MTM1: variants seen among roughly 807,000 people sequenced by gnomAD.
The protein encoded by MTM1 is myotubularin.
MTM1 carries 9 observed loss-of-function variants against 52.1 expected under a neutral mutation model. The ratio of observed to expected loss-of-function variants is 0.17; its 90% CI spans 0.10 to 0.30. The LOEUF is 0.30. MTM1 is among the 10% of genes least tolerant of loss of function. MTM1 has a pLI of 1.00. For missense variants in MTM1, 277 were observed against 470.7 expected, an observed-to-expected ratio of 0.59 and a Z score of 3.81; for synonymous variants, 136 against 163.8, an observed-to-expected ratio of 0.83 and a Z score of 1.29.
intron 10 of MTM1, among the ~76,000 whole-genome samples, chrX:150,651,485 G>GTTTTTTT (rs56302527): frequency 1.3e-5 from 1 of 74,840 alleles, no homozygotes; most frequent in Non-Finnish European, 2.5e-5. Context: ...CAATTAGGTT[G>GTTTTTTT]TTTTTTTTTT....
At chrX:150,652,888 T>C (rs1171418081) in intron 10 of MTM1, among the ~76,000 whole-genome samples, 2 of 109,397 alleles carry the variant, frequency 1.8e-5, no homozygotes, top group African/African-American at 6.7e-5. Context: ...CTGAGCTAGA[T>C]AGAAGGAAGA....
upstream of MTM1, among the ~76,000 whole-genome samples, chrX:150,565,903 C>T (rs1314318021): frequency 1.8e-5 from 2 of 109,582 alleles, no homozygotes; most frequent in Non-Finnish European, 3.8e-5. Flanking sequence ...GTCCTGGAGC[C>T]CTGGAGAGGG....
intron 14 of MTM1, among the ~76,000 whole-genome samples, chrX:150,667,755 G>A (rs1557415006): frequency 1.8e-5 from 2 of 112,024 alleles, no homozygotes. Context: ...AATCCTATGG[G>A]CCTTTGTAAC....
intron 14 of MTM1, among the ~76,000 whole-genome samples, chrX:150,669,966 G>T (rs996807785): frequency 3.8e-4 from 43 of 111,844 alleles, no homozygotes; most frequent in Admixed American, 3.2e-3. Flanking sequence ...GTCCTGAATG[G>T]TATTGCCTAG....
intron 5 of MTM1, 63 bp downstream of exon 5, chrX:150,614,762 CAATT>C: frequency 1.7e-6 from 1 of 578,365 alleles, no homozygotes; most frequent in Non-Finnish European, 2.9e-6. Context: ...TGATAGTAGA[CAATT>C]AATGTGGATT....
At chrX:150,604,121 T>G (rs1283176512) in intron 4 of MTM1, among the ~76,000 whole-genome samples, 6 of 111,883 alleles carry the variant, frequency 5.4e-5, no homozygotes. Flanking sequence ...CATGGAGATG[T>G]GAGTCCTTGG....
At position 150,614,654 on chromosome X, in the gene MTM1, G is replaced by A. The variant is rs781784303; in HGVS notation, c.297G>A (p.Ala99=). The change falls in exon 5 of 15, where the codon GCG becomes GCA. Residue 99 remains alanine (A), a synonymous_variant. Coordinates refer to ENST00000370396, the MANE Select transcript of MTM1 (RefSeq NM_000252.3). The part of the protein sequence containing the change: ...VISRIEKMGG[A]TSRGENSYGL... The stretch of plus-strand genomic sequence containing the variant: ...CGAGAATTGAAAAAATGGGAGGCGC[G>A]ACAAGTAGAGGAGAAAATTCCTATG... 15 of 1,193,609 alleles carry A rather than the reference G, an allele frequency of 1.3e-5. No homozygotes were observed. The highest frequency in any genetic ancestry group is 3.6e-5 in the South Asian group (2 of 56,071).
At chrX:150,646,328 A>G (rs782627867) in intron 9 of MTM1, among the ~76,000 whole-genome samples, 31 of 113,127 alleles carry the variant, frequency 2.7e-4, no homozygotes, top group Non-Finnish European at 5.1e-4. Context: ...AATTCAAGAA[A>G]TGAGTAGGTC....
chrX:150,642,843 C>T (rs952572709), intron 8 of MTM1, among the ~76,000 whole-genome samples: 17 of 111,963 alleles, frequency 1.5e-4, no homozygotes, highest in Non-Finnish European at 3.0e-4. Flanking sequence ...TTCTACCATG[C>T]TTGGTTGCCA....
intron 1 of MTM1, among the ~76,000 whole-genome samples, chrX:150,582,715 C>A (rs1244500546): frequency 9.0e-6 from 1 of 110,926 alleles, no homozygotes; most frequent in African/African-American, 3.3e-5. Context: ...TTGCAGCCAC[C>A]ACCAGAAGCT....
intron 1 of MTM1, among the ~76,000 whole-genome samples, chrX:150,592,339 G>A (rs1273875746): frequency 4.5e-5 from 5 of 110,942 alleles, no homozygotes; most frequent in African/African-American, 1.6e-4. Flanking sequence ...AATGTGTATG[G>A]CGTCTTCTGC....
intron 1 of MTM1, among the ~76,000 whole-genome samples, chrX:150,579,475 T>G (rs1716750354): frequency 8.9e-6 from 1 of 111,836 alleles, no homozygotes; most frequent in Admixed American, 9.5e-5. Flanking sequence ...TTTCATTTTT[T>G]TTGGTATTGC....
intron 9 of MTM1, 73 bp downstream of exon 9, chrX:150,645,944 C>T (rs1459193418): frequency 2.0e-6 from 2 of 996,152 alleles, no homozygotes; most frequent in Admixed American, 2.2e-5. Flanking sequence ...AATGTTTTTG[C>T]CATGATATAG....
intron 6 of MTM1, among the ~76,000 whole-genome samples, chrX:150,627,496 G>A: frequency 9.0e-6 from 1 of 111,500 alleles, no homozygotes; most frequent in East Asian, 2.8e-4. Flanking sequence ...AATTATAAAA[G>A]TTCTATTTGA....
In MTM1 at chrX:150,671,452, T is replaced by C. The variant is rs782115195; in HGVS notation, c.1669T>C (p.Tyr557His). 1 of 1,211,363 alleles carries C rather than the reference T, an allele frequency of 8.3e-7. No individual in the cohort carries two copies. Among genetic ancestry groups the C allele is most frequent in the Admixed American group, 2.2e-5 (1 of 45,970 alleles). The part of the protein sequence containing the change: ...QQQPNPVEQR[Y>H]MELLALRDEY... ...GCAGCCGAATCCAGTGGAGCAGCGT[T>C]ACATGGAGCTCTTAGCCTTACGCGA... Residue 557 changes from tyrosine to histidine, a missense_variant, in exon 15 of 15, where the codon TAC (tyrosine) becomes CAC (histidine). Coordinates refer to ENST00000370396, the MANE Select transcript of MTM1 (RefSeq NM_000252.3).
intron 1 of MTM1, among the ~76,000 whole-genome samples, chrX:150,577,537 G>C (rs1400796427): frequency 8.9e-6 from 1 of 112,388 alleles, no homozygotes; most frequent in Non-Finnish European, 1.9e-5. Context: ...GTAATAGTGA[G>C]CATGTCTTTA....
intron 5 of MTM1, among the ~76,000 whole-genome samples, chrX:150,615,641 G>A (rs1224707601): frequency 1.8e-5 from 2 of 111,803 alleles, no homozygotes; most frequent in African/African-American, 6.5e-5. Flanking sequence ...GGAAGAGCCA[G>A]AACCAAAAAC....
At chrX:150,565,734 C>T (rs917379749), upstream of MTM1, among the ~76,000 whole-genome samples, 1 of 112,105 alleles carries the variant, frequency 8.9e-6, no homozygotes, top group Non-Finnish European at 1.9e-5. Flanking sequence ...AGGATGAAGC[C>T]TCTGAAGGTA....
intron 10 of MTM1, among the ~76,000 whole-genome samples, chrX:150,654,168 A>G (rs782701490): frequency 8.9e-6 from 1 of 112,406 alleles, no homozygotes; most frequent in East Asian, 2.8e-4. Context: ...GTTTTATTAG[A>G]TAATTATAGC....
Sources: gnomAD v4.1 joint callset for allele counts (sites outside exome capture counted in the v4.1 genomes callset) on GRCh38, gnomAD v4.1.1 for gene constraint, MANE v1.5 for transcripts, NCBI Gene and HGNC (gene_info 2026-07-23, HGNC 2026-07-21) for gene names.